Variants in DSCAM observed in about 807,000 individuals in gnomAD.
The protein encoded by DSCAM is cell adhesion molecule DSCAM.
In DSCAM, 47 loss-of-function variants were observed where a neutral mutation model predicts 217.7. The ratio of observed to expected loss-of-function variants is 0.22; its 90% CI spans 0.17 to 0.28. DSCAM has a LOEUF of 0.28. Ranked by LOEUF, DSCAM falls within the 10% of genes least tolerant of loss-of-function variation. The pLI is 1.00. For synonymous variants in DSCAM, 1,056 were observed against 1,015.3 expected (o/e 1.04, Z -0.76); for missense variants, 2,080 against 2,618.3 (o/e 0.79, Z 4.49).
At chr21:40,378,908 T>C (rs1046915510) in intron 3 of DSCAM, among the ~76,000 whole-genome samples, 2 of 151,170 alleles carry the variant, frequency 1.3e-5, no homozygotes, top group Non-Finnish European at 3.0e-5. Context: ...TGAAAACTTA[T>C]ACATAAACCT....
chr21:40,080,268 G>C lies in DSCAM; in HGVS notation c.4304C>G (p.Ser1435Cys). Reference sequence around the variant, plus strand: ...ACATTTGAGATTTTCCAAGCGATAGGAACGTTCGCTGGGGCTGATTGGAAA... The same window carrying C: ...ACATTTGAGATTTTCCAAGCGATAGCAACGTTCGCTGGGGCTGATTGGAAA... ...GSFPISPSER[S>C]YRLENLKCGT... is the part of the protein sequence containing the mutation. Residue 1435 changes from serine (S) to cysteine (C), a missense_variant, in exon 25 of 33, where the codon TCC (serine) becomes TGC (cysteine). Around this residue, in one of 5 missense-constraint regions of DSCAM, gnomAD observed 1,144 missense variants for 1,421.1 expected, o/e 0.81. Transcript: ENST00000400454. 6.2e-7 allele frequency: 1 copy of C among 1,613,642 alleles called. No homozygotes were observed. Among genetic ancestry groups the C allele is most frequent in the Non-Finnish European group, 8.5e-7 (1 of 1,179,936 alleles).
intron 6 of DSCAM, among the ~76,000 whole-genome samples, chr21:40,343,946 C>G (rs529830608): frequency 7.1e-6 from 1 of 141,324 alleles, no homozygotes; most frequent in Non-Finnish European, 1.6e-5. Flanking sequence ...CTCTGTCACC[C>G]AGGCTGGAGT....
intron 3 of DSCAM, among the ~76,000 whole-genome samples, chr21:40,662,913 G>C (rs1221981145): frequency 6.6e-6 from 1 of 152,120 alleles, no homozygotes; most frequent in Non-Finnish European, 1.5e-5. Flanking sequence ...ACAGGGTAAG[G>C]TAGGAAGTAA....
At chr21:40,511,556 C>T (rs1406193836) in intron 3 of DSCAM, among the ~76,000 whole-genome samples, 1 of 152,114 alleles carries the variant, frequency 6.6e-6, no homozygotes, top group African/African-American at 2.4e-5. Context: ...ACTAGAATCA[C>T]TAATGTTGTT....
chr21:40,217,736 G>A (rs2091256163), intron 11 of DSCAM, among the ~76,000 whole-genome samples: 1 of 152,070 alleles, frequency 6.6e-6, no homozygotes, highest in Non-Finnish European at 1.5e-5. Flanking sequence ...TCTCATTGTG[G>A]TTTTGATTTG....
intron 3 of DSCAM, among the ~76,000 whole-genome samples, chr21:40,581,245 T>G (rs1025507249): frequency 6.6e-6 from 1 of 151,772 alleles, no homozygotes; most frequent in African/African-American, 2.4e-5. Flanking sequence ...AAACCTAGTT[T>G]TAGTCCCCAC....
At chr21:40,571,056 A>G (rs2076802510) in intron 3 of DSCAM, among the ~76,000 whole-genome samples, 1 of 152,156 alleles carries the variant, frequency 6.6e-6, no homozygotes, top group East Asian at 1.9e-4. Flanking sequence ...TTATTTCAAA[A>G]TCACACCTAG....
chr21:40,482,777 C>T (rs565847914), intron 3 of DSCAM, among the ~76,000 whole-genome samples: 17 of 152,222 alleles, frequency 1.1e-4, no homozygotes, highest in African/African-American at 4.1e-4. Context: ...TTCAGCAAGA[C>T]AATTTATAAC....
At chr21:40,186,716 T>C (rs1178622831) in intron 14 of DSCAM, among the ~76,000 whole-genome samples, 1 of 152,220 alleles carries the variant, frequency 6.6e-6, no homozygotes, top group African/African-American at 2.4e-5. Flanking sequence ...CAAGCACAGC[T>C]TGAGCTCAAC....
At chr21:40,273,136 C>T (rs2073641729) in intron 11 of DSCAM, among the ~76,000 whole-genome samples, 1 of 152,112 alleles carries the variant, frequency 6.6e-6, no homozygotes, top group African/African-American at 2.4e-5. Context: ...TATACATTTT[C>T]TCTTTCTTTC....
At chr21:40,096,965 A>G (rs529247201) in intron 20 of DSCAM, among the ~76,000 whole-genome samples, 1 of 152,190 alleles carries the variant, frequency 6.6e-6, no homozygotes, top group Non-Finnish European at 1.5e-5. Context: ...AAGTGAATAA[A>G]GACTTTTTTC....
intron 1 of DSCAM, among the ~76,000 whole-genome samples, chr21:40,810,192 C>T (rs2091825800): frequency 6.6e-6 from 1 of 152,220 alleles, no homozygotes; most frequent in South Asian, 2.1e-4. Context: ...ATTGATCAAA[C>T]ATAGCCTTCA....
chr21:40,585,328 A>C (rs2076937101), intron 3 of DSCAM, among the ~76,000 whole-genome samples: 3 of 53,624 alleles, frequency 5.6e-5, no homozygotes, highest in Non-Finnish European at 1.0e-4. Flanking sequence ...TGTTAAAGAA[A>C]AATGCTGCGT....
intron 3 of DSCAM, among the ~76,000 whole-genome samples, chr21:40,686,252 A>T (rs1382208559): frequency 8.8e-6 from 1 of 113,800 alleles, no homozygotes; most frequent in Non-Finnish European, 1.9e-5. Flanking sequence ...CACACACAGC[A>T]CACACTCCAC....
At chr21:40,347,058 TG>T (rs1385498406) in intron 6 of DSCAM, among the ~76,000 whole-genome samples, 1 of 152,020 alleles carries the variant, frequency 6.6e-6, no homozygotes, top group Non-Finnish European at 1.5e-5. Flanking sequence ...CCCAGCACTT[TG>T]GGGGGCCGAG....
chr21:40,284,040 TG>T (rs1160388467), intron 10 of DSCAM, among the ~76,000 whole-genome samples: 1 of 152,174 alleles, frequency 6.6e-6, no homozygotes, highest in African/African-American at 2.4e-5. Context: ...AGAATGCATT[TG>T]TTTTTCTTCT....
chr21:40,637,655 A>ATATC (rs2089822890), intron 3 of DSCAM, among the ~76,000 whole-genome samples: 1 of 122,490 alleles, frequency 8.2e-6, no homozygotes, highest in Non-Finnish European at 1.6e-5. Context: ...ATATATCTAT[A>ATATC]TATATATATA....
chr21:40,803,362 C>T (rs2091758904), intron 1 of DSCAM, among the ~76,000 whole-genome samples: 1 of 152,148 alleles, frequency 6.6e-6, no homozygotes, highest in Admixed American at 6.5e-5. Flanking sequence ...CATATGCTAC[C>T]CCATTACCCA....
chr21:40,520,791 A>C (rs2076352701), intron 3 of DSCAM, among the ~76,000 whole-genome samples: 1 of 152,152 alleles, frequency 6.6e-6, no homozygotes, highest in African/African-American at 2.4e-5. Flanking sequence ...TGGGTGACAG[A>C]ACAAGACTCT....
Sources: gnomAD v4.1 joint callset for allele counts (sites outside exome capture counted in the v4.1 genomes callset) on GRCh38, gnomAD v4.1.1 for gene constraint, gnomAD v4.1.1 regional missense constraint, MANE v1.5 for transcripts, NCBI Gene and HGNC (gene_info 2026-07-23, HGNC 2026-07-21) for gene names.